Variants in PTHLH observed in about 807,000 individuals in gnomAD.
PTHLH encodes the protein parathyroid hormone like hormone, also known as parathyroid hormone-related protein.
A neutral mutation model predicts 18.6 loss-of-function variants in PTHLH; 5 were observed. That is an observed-to-expected ratio of 0.27 (90% CI 0.14 to 0.56). The LOEUF is 0.56. Ranked by LOEUF, PTHLH falls within the 20% of genes least tolerant of loss-of-function variation. PTHLH has a pLI of 0.92. For synonymous variants in PTHLH, 90 were observed against 94.0 expected, an observed-to-expected ratio of 0.96 and a Z score of 0.25; for missense variants, 207 against 223.9, an observed-to-expected ratio of 0.92 and a Z score of 0.48.
intron 5 of PTHLH, chr12:27,962,603 T>C (rs1195880132): frequency 2.7e-5 from 27 of 985,384 alleles, no homozygotes; most frequent in Non-Finnish European, 3.1e-5. Flanking sequence ...TGAAGTTTTA[T>C]TTTTCCTACG....
At chr12:27,970,650 C>G (rs968710601) in intron 2 of PTHLH, among the ~76,000 whole-genome samples, 7 of 151,986 alleles carry the variant, frequency 4.6e-5, no homozygotes, top group Admixed American at 3.9e-4. Context: ...GCGGACTGCC[C>G]CGGGCAGCCG....
intron 5 of PTHLH, chr12:27,963,067 T>G (rs1197762058): frequency 6.9e-6 from 9 of 1,311,322 alleles, no homozygotes; most frequent in Non-Finnish European, 8.7e-6. Flanking sequence ...AATATGAAAT[T>G]ATTTGGTAGA....
intron 5 of PTHLH, among the ~76,000 whole-genome samples, chr12:27,960,892 G>T (rs1047493550): frequency 2.6e-5 from 4 of 152,002 alleles, no homozygotes; most frequent in Non-Finnish European, 4.4e-5. Context: ...ATTCTGAAAA[G>T]ATTTTATCTG....
Position 27,958,430 on chromosome 12 carries a change from C to A in PTHLH, c.*129G>T. The stretch of plus-strand genomic sequence containing the variant: ...ATGACCAATGTGCAGTTTCATAGAG[C>A]AATGGGGGAGACAGTTTTATTCCAA... On this transcript the variant is annotated 3_prime_UTR_variant, in exon 6 of 6. Coordinates refer to ENST00000545234, the MANE Select transcript of PTHLH (RefSeq NM_198965.2). 1.2e-6 allele frequency: 1 copy of A among 848,982 alleles called. No homozygotes were observed. Among genetic ancestry groups the A allele is most frequent in the Non-Finnish European group, 1.7e-6 (1 of 591,590 alleles). 52.6% of individuals were successfully genotyped at this position (848,982 alleles called of 1,614,324 possible).
At chr12:27,965,904 C>G (rs1313970416) in intron 4 of PTHLH, among the ~76,000 whole-genome samples, 1 of 152,188 alleles carries the variant, frequency 6.6e-6, no homozygotes, top group African/African-American at 2.4e-5. Flanking sequence ...CAAAATGTCA[C>G]ATTAAAAAGC....
Position 27,960,468 on chromosome 12 carries a change from G to C in PTHLH, c.525-1900C>G, listed in dbSNP as rs556189395. 3.3e-5 allele frequency among the ~76,000 whole-genome samples: 5 copies of C among 152,248 alleles called. No homozygotes were observed. In the South Asian group the frequency reaches 8.3e-4, roughly 25 times the overall value. ...TTGGCCGGTGTGGTGGTTCATGCCT[G>C]TAATCCCAGCACTTTGGGGCAGGTG... On this transcript the variant is annotated intron_variant, in intron 5 of 5. Transcript: ENST00000545234.
At chr12:27,960,076 T>C (rs1269865403) in intron 5 of PTHLH, among the ~76,000 whole-genome samples, 1 of 152,214 alleles carries the variant, frequency 6.6e-6, no homozygotes, top group East Asian at 1.9e-4. Context: ...TGTTTGCTCA[T>C]TCTCCTTTCT....
intron 5 of PTHLH, among the ~76,000 whole-genome samples, chr12:27,960,266 A>G (rs1014585772): frequency 1.3e-5 from 2 of 152,216 alleles, no homozygotes; most frequent in African/African-American, 2.4e-5. Context: ...CAAGGCAAAA[A>G]TGATATGATT....
chr12:27,965,324 G>A (rs2062802762), intron 4 of PTHLH, among the ~76,000 whole-genome samples: 2 of 152,192 alleles, frequency 1.3e-5, no homozygotes, highest in African/African-American at 4.8e-5. Flanking sequence ...GAGGCAACAC[G>A]GTAAGGAGAG....
At chr12:27,971,025 A>C (rs1246131360) in intron 2 of PTHLH, among the ~76,000 whole-genome samples, 2 of 152,114 alleles carry the variant, frequency 1.3e-5, no homozygotes, top group African/African-American at 2.4e-5. Context: ...AAACCCGCGC[A>C]CAGGAGAGAT....
chr12:27,965,629 C>T (rs749091417), intron 4 of PTHLH, among the ~76,000 whole-genome samples: 37 of 152,126 alleles, frequency 2.4e-4, no homozygotes, highest in Non-Finnish European at 4.9e-4. Flanking sequence ...TCAAAAAAGA[C>T]ATGACTTAAT....
intron 2 of PTHLH, among the ~76,000 whole-genome samples, chr12:27,970,537 G>A (rs373840404): frequency 6.6e-6 from 1 of 151,794 alleles, no homozygotes; most frequent in Non-Finnish European, 1.5e-5. Context: ...GCCCTGTCGC[G>A]CCATCCCCGT....
chr12:27,970,243 A>G lies in PTHLH; in HGVS notation c.-241T>C. Reference sequence around the variant, plus strand: ...AGGCGAGTTGAAAACCGAGCGGAGGAATGTTCACACGCTCCGAGGCAAACC... The same window carrying G: ...AGGCGAGTTGAAAACCGAGCGGAGGGATGTTCACACGCTCCGAGGCAAACC... On this transcript the variant is annotated 5_prime_UTR_variant, in exon 3 of 6. Coordinates refer to ENST00000545234, the MANE Select transcript of PTHLH (RefSeq NM_198965.2). The G allele has an allele frequency of 4.3e-6, 2 of 466,272 alleles. No homozygotes were observed. Among genetic ancestry groups the G allele is most frequent in the South Asian group, 3.2e-5 (2 of 63,364 alleles). The allele number at this position is 466,272 out of a possible 1,614,324, so 28.9% of individuals were successfully genotyped here.
intron 4 of PTHLH, among the ~76,000 whole-genome samples, chr12:27,968,960 C>A (rs1354036509): frequency 6.6e-6 from 1 of 152,092 alleles, no homozygotes; most frequent in Non-Finnish European, 1.5e-5. Context: ...ACGGCTTTTG[C>A]TTTTTCACAC....
chr12:27,970,585 C>A (rs1347104230), intron 2 of PTHLH, among the ~76,000 whole-genome samples: 1 of 151,920 alleles, frequency 6.6e-6, no homozygotes, highest in Non-Finnish European at 1.5e-5. Flanking sequence ...TCCCTCCAGG[C>A]CCGGCCGGCT....
At chr12:27,964,105 T>C (rs1386309868) in intron 4 of PTHLH, among the ~76,000 whole-genome samples, 1 of 152,158 alleles carries the variant, frequency 6.6e-6, no homozygotes, top group African/African-American at 2.4e-5. Flanking sequence ...TTAAAACATA[T>C]GATTCAGTTA....
At position 27,962,143 on chromosome 12, in the gene PTHLH, G is replaced by C. The variant is rs2062767425; in HGVS notation, c.524+1205C>G. 3 of 511,264 alleles carry C rather than the reference G, an allele frequency of 5.9e-6. No homozygotes were observed. The East Asian group carries it at 9.5e-5, about 16-fold the overall frequency. 31.7% of individuals were successfully genotyped at this position (511,264 alleles called of 1,614,324 possible). ...TATTTCAATTCCAAGGACTACTCAG[G>C]TCTTTTAGCCGTGGAATGCCTTGGC... On this transcript the variant is annotated intron_variant, in intron 5 of 5. Coordinates refer to ENST00000545234, the MANE Select transcript of PTHLH (RefSeq NM_198965.2).
intron 4 of PTHLH, among the ~76,000 whole-genome samples, chr12:27,968,815 A>T (rs2062840243): frequency 6.6e-6 from 1 of 152,258 alleles, no homozygotes; most frequent in Non-Finnish European, 1.5e-5. Flanking sequence ...AGCGTTCCTG[A>T]ACTGTATCAA....
rs1232214353 is a variant in PTHLH at position 27,970,170 on chromosome 12, C to G, written c.-168G>C. The G allele has an allele frequency of 1.9e-6, 1 of 516,196 alleles. No individual in the cohort carries two copies. The highest frequency in any genetic ancestry group is 1.9e-5 in the African/African-American group (1 of 51,918). The allele number at this position is 516,196 out of a possible 1,614,324, so 32.0% of individuals were successfully genotyped here. ...AGCCGGAGCGGCAGGGAGGCGGCAG[C>G]CCCGCTTCACGGGCGGGGAGACATG... On this transcript the variant is annotated 5_prime_UTR_variant, in exon 3 of 6. Coordinates refer to ENST00000545234, the MANE Select transcript of PTHLH (RefSeq NM_198965.2).
Sources: gnomAD v4.1 joint callset for allele counts (sites outside exome capture counted in the v4.1 genomes callset) on GRCh38, gnomAD v4.1.1 for gene constraint, MANE v1.5 for transcripts, NCBI Gene and HGNC (gene_info 2026-07-23, HGNC 2026-07-21) for gene names.